UNC5D: variants seen among roughly 807,000 people sequenced by gnomAD.
UNC5D encodes the protein unc-5 netrin receptor D.
UNC5D carries 39 observed loss-of-function variants against 105.4 expected under a neutral mutation model. That is an observed-to-expected ratio of 0.37 (90% CI 0.29 to 0.48). UNC5D has a LOEUF of 0.48. UNC5D is among the 20% of genes least tolerant of loss of function. The pLI is 0.98. For missense variants in UNC5D, 991 were observed against 1,202.4 expected (o/e 0.82, Z 2.60); for synonymous variants, 452 against 450.4 (o/e 1.00, Z -0.04).
chr8:35,589,817 A>G (rs1160312264), intron 3 of UNC5D, among the ~76,000 whole-genome samples: 1 of 152,170 alleles, frequency 6.6e-6, no homozygotes, highest in East Asian at 1.9e-4. Context: ...CTATGTTGTA[A>G]CGTGCATCAA....
chr8:35,311,815 A>T (rs1808909104), intron 1 of UNC5D, among the ~76,000 whole-genome samples: 1 of 152,196 alleles, frequency 6.6e-6, no homozygotes, highest in Non-Finnish European at 1.5e-5. Context: ...TTTTAAAAGT[A>T]CAAGGAAGAT....
At chr8:35,409,341 T>G (rs1465065634) in intron 1 of UNC5D, among the ~76,000 whole-genome samples, 3 of 152,116 alleles carry the variant, frequency 2.0e-5, no homozygotes, top group Non-Finnish European at 4.4e-5. Flanking sequence ...TATTTCATTC[T>G]GCATTTCCAT....
At chr8:35,706,557 C>T (rs1398577100) in intron 8 of UNC5D, among the ~76,000 whole-genome samples, 1 of 152,094 alleles carries the variant, frequency 6.6e-6, no homozygotes, top group Admixed American at 6.6e-5. Flanking sequence ...GGCATTTGAC[C>T]TTATGCTCTT....
chr8:35,477,644 A>T (rs998554462), intron 1 of UNC5D, among the ~76,000 whole-genome samples: 3 of 152,176 alleles, frequency 2.0e-5, no homozygotes, highest in African/African-American at 7.2e-5. Flanking sequence ...AGGAAAAAAA[A>T]ATGTTTACAA....
At chr8:35,628,553 CT>C (rs1204283703) in intron 4 of UNC5D, among the ~76,000 whole-genome samples, 8 of 152,200 alleles carry the variant, frequency 5.3e-5, no homozygotes, top group African/African-American at 1.9e-4. Context: ...ACTGTTTTTA[CT>C]CTTCTTCACT....
chr8:35,412,337 T>A (rs189351143), intron 1 of UNC5D, among the ~76,000 whole-genome samples: 1 of 152,218 alleles, frequency 6.6e-6, no homozygotes, highest in East Asian at 1.9e-4. Flanking sequence ...TCTGATCTTA[T>A]GCTAAAAATG....
intron 3 of UNC5D, among the ~76,000 whole-genome samples, chr8:35,586,840 A>G (rs1301415772): frequency 1.3e-5 from 2 of 152,218 alleles, no homozygotes; most frequent in African/African-American, 4.8e-5. Flanking sequence ...AACTGCCAGA[A>G]CATTGAATGA....
intron 1 of UNC5D, among the ~76,000 whole-genome samples, chr8:35,533,842 G>A (rs531269295): frequency 3.7e-4 from 57 of 152,210 alleles, no homozygotes; most frequent in African/African-American, 1.3e-3. Flanking sequence ...TCTTTGACTC[G>A]CAAAGGGGAC....
intron 16 of UNC5D, among the ~76,000 whole-genome samples, chr8:35,780,381 T>C (rs1471959496): frequency 6.6e-6 from 1 of 152,190 alleles, no homozygotes. Context: ...CTTCTCGCAT[T>C]GAGGTGCTAT....
At chr8:35,420,159 T>C (rs1805801432) in intron 1 of UNC5D, among the ~76,000 whole-genome samples, 1 of 152,232 alleles carries the variant, frequency 6.6e-6, no homozygotes, top group African/African-American at 2.4e-5. Flanking sequence ...CCTAGGAATT[T>C]GTCTATCATA....
At chr8:35,608,925 T>C (rs566820967) in intron 4 of UNC5D, among the ~76,000 whole-genome samples, 50 of 152,232 alleles carry the variant, frequency 3.3e-4, no homozygotes, top group African/African-American at 1.0e-3. Flanking sequence ...AGATACTCAG[T>C]AGTGAGATTG....
intron 1 of UNC5D, among the ~76,000 whole-genome samples, chr8:35,403,399 A>G (rs532569050): frequency 2.0e-5 from 3 of 152,268 alleles, no homozygotes; most frequent in Non-Finnish European, 2.9e-5. Flanking sequence ...CCCCAAATCC[A>G]TTGTGATGCA....
At chr8:35,439,143 A>G (rs1361038422) in intron 1 of UNC5D, among the ~76,000 whole-genome samples, 1 of 151,966 alleles carries the variant, frequency 6.6e-6, no homozygotes, top group Non-Finnish European at 1.5e-5. Context: ...AGATTGCCTT[A>G]CAGACTGAAA....
At chr8:35,547,766 G>A (rs913117696) in intron 1 of UNC5D, among the ~76,000 whole-genome samples, 7 of 152,118 alleles carry the variant, frequency 4.6e-5, no homozygotes, top group South Asian at 4.1e-4. Flanking sequence ...GACTCTCTTC[G>A]GAGAGTTGGA....
At chr8:35,665,981 G>C (rs1474624331) in intron 4 of UNC5D, among the ~76,000 whole-genome samples, 1 of 143,908 alleles carries the variant, frequency 6.9e-6, no homozygotes, top group South Asian at 2.2e-4. Flanking sequence ...TGACAATTTT[G>C]ATCATGGTTT....
chr8:35,759,702 G>A (rs1801431751), intron 14 of UNC5D, among the ~76,000 whole-genome samples: 1 of 152,154 alleles, frequency 6.6e-6, no homozygotes, highest in Non-Finnish European at 1.5e-5. Context: ...TAGGTGAGAT[G>A]GCATTTCTCC....
intron 4 of UNC5D, among the ~76,000 whole-genome samples, chr8:35,644,223 T>G (rs926949349): frequency 3.9e-5 from 6 of 152,150 alleles, no homozygotes; most frequent in Non-Finnish European, 5.9e-5. Flanking sequence ...TGATCCTTTT[T>G]CAGTAAGTGG....
chr8:35,645,774 T>C (rs2131154284), intron 4 of UNC5D, among the ~76,000 whole-genome samples: 1 of 152,222 alleles, frequency 6.6e-6, no homozygotes, highest in Non-Finnish European at 1.5e-5. Context: ...TATTGTTCTC[T>C]TTCCTGCCAT....
intron 4 of UNC5D, among the ~76,000 whole-genome samples, chr8:35,656,006 CAGAAGGAACATCGT>C (rs1257587218): frequency 6.6e-6 from 1 of 152,168 alleles, no homozygotes; most frequent in Non-Finnish European, 1.5e-5. Flanking sequence ...CTTTGTTCAG[CAGAAGGAACATCGT>C]AGTTTTTAAT....
Sources: gnomAD v4.1 joint callset for allele counts (sites outside exome capture counted in the v4.1 genomes callset) on GRCh38, gnomAD v4.1.1 for gene constraint, MANE v1.5 for transcripts, NCBI Gene and HGNC (gene_info 2026-07-23, HGNC 2026-07-21) for gene names.